The following IL1RAPL2 variants were observed in gnomAD, a reference collection of about 807,000 sequenced individuals.
The protein encoded by IL1RAPL2 is interleukin 1 receptor accessory protein like 2.
IL1RAPL2 carries 3 observed loss-of-function variants against 44.1 expected under a neutral mutation model. That is an observed-to-expected ratio of 0.07 (90% CI 0.03 to 0.18). IL1RAPL2 has a LOEUF of 0.18. Ranked by LOEUF, IL1RAPL2 falls within the 10% of genes least tolerant of loss-of-function variation. IL1RAPL2 has a pLI of 1.00. For missense variants in IL1RAPL2, 391 were observed against 496.4 expected, an observed-to-expected ratio of 0.79 and a Z score of 2.02; for synonymous variants, 181 against 178.8, an observed-to-expected ratio of 1.01 and a Z score of -0.10.
chrX:105,527,588 T>G (rs2036603703), intron 6 of IL1RAPL2, among the ~76,000 whole-genome samples: 1 of 110,852 alleles, frequency 9.0e-6, no homozygotes, highest in Non-Finnish European at 1.9e-5. Flanking sequence ...AATTGAGTCT[T>G]GCCCCATGCT....
intron 2 of IL1RAPL2, among the ~76,000 whole-genome samples, chrX:104,820,541 C>A (rs777204301): frequency 7.2e-5 from 8 of 111,789 alleles, no homozygotes; most frequent in Non-Finnish European, 1.1e-4. Flanking sequence ...TGAGCCTTGC[C>A]TCCATGCTAC....
intron 5 of IL1RAPL2, among the ~76,000 whole-genome samples, chrX:105,483,456 C>G (rs1490820251): frequency 9.0e-6 from 1 of 111,471 alleles, no homozygotes; most frequent in Non-Finnish European, 1.9e-5. Context: ...TTTTGAAAAT[C>G]TTTTTGAGAA....
intron 2 of IL1RAPL2, among the ~76,000 whole-genome samples, chrX:105,143,353 A>G (rs1407841606): frequency 8.9e-6 from 1 of 112,451 alleles, no homozygotes; most frequent in Admixed American, 9.4e-5. Context: ...AATGCTCATC[A>G]TCACTGGCCA....
chrX:105,296,562 C>T (rs2034655949), intron 5 of IL1RAPL2, among the ~76,000 whole-genome samples: 2 of 112,526 alleles, frequency 1.8e-5, no homozygotes, highest in South Asian at 7.3e-4. Context: ...GAATTCATGA[C>T]ACAGTTCTGT....
chrX:104,644,914 T>C (rs986170568), intron 1 of IL1RAPL2, among the ~76,000 whole-genome samples: 3 of 111,853 alleles, frequency 2.7e-5, no homozygotes, highest in African/African-American at 9.7e-5. Flanking sequence ...ACCACTGATC[T>C]GTTTCTGACA....
chrX:105,740,702 T>G lies in IL1RAPL2; in HGVS notation c.1048+11T>G. On this transcript the variant is annotated intron_variant, in intron 8 of 10. Transcript: ENST00000372582. ...TGCTGCGTAAAAAGGGTATTTATTT[T>G]TATAACTATAACTATGGTTTGCTTA... 8.3e-7 allele frequency: 1 copy of G among 1,197,721 alleles called. No homozygotes were observed.
chrX:105,410,799 A>T (rs914899282), intron 5 of IL1RAPL2, among the ~76,000 whole-genome samples: 1 of 111,927 alleles, frequency 8.9e-6, no homozygotes, highest in African/African-American at 3.2e-5. Context: ...AAGTGAAAGG[A>T]TGACATCTAC....
At chrX:105,753,663 G>A (rs1160733578) in intron 9 of IL1RAPL2, among the ~76,000 whole-genome samples, 3 of 111,404 alleles carry the variant, frequency 2.7e-5, no homozygotes, top group Admixed American at 9.6e-5. Context: ...AGTGGAATGC[G>A]CCCAACTTGT....
intron 6 of IL1RAPL2, among the ~76,000 whole-genome samples, chrX:105,668,754 C>T (rs953682008): frequency 1.8e-5 from 2 of 111,942 alleles, no homozygotes; most frequent in South Asian, 3.8e-4. Flanking sequence ...AGTGACCAGA[C>T]GGTAGTGTGA....
At chrX:105,523,787 C>T (rs1429319182) in intron 6 of IL1RAPL2, among the ~76,000 whole-genome samples, 1 of 107,332 alleles carries the variant, frequency 9.3e-6, no homozygotes, top group Non-Finnish European at 1.9e-5. Flanking sequence ...TCAATGAAGC[C>T]ATAAAAGAAA....
intron 2 of IL1RAPL2, among the ~76,000 whole-genome samples, chrX:105,162,983 A>T (rs1214637583): frequency 9.0e-6 from 1 of 111,614 alleles, no homozygotes; most frequent in Non-Finnish European, 1.9e-5. Flanking sequence ...AGACGCAAAC[A>T]TTCAAACCAT....
At chrX:105,435,592 CAT>C (rs1473749572) in intron 5 of IL1RAPL2, among the ~76,000 whole-genome samples, 1 of 111,761 alleles carries the variant, frequency 8.9e-6, no homozygotes, top group African/African-American at 3.3e-5. Flanking sequence ...TACATGCACA[CAT>C]ATGTTTACTG....
chrX:105,092,129 T>G (rs1294830909), intron 2 of IL1RAPL2, among the ~76,000 whole-genome samples: 1 of 111,068 alleles, frequency 9.0e-6, no homozygotes, highest in Admixed American at 9.7e-5. Context: ...AGGTTGGTAT[T>G]TTATCCCCAT....
intron 2 of IL1RAPL2, among the ~76,000 whole-genome samples, chrX:104,929,534 C>G (rs1924848973): frequency 9.0e-6 from 1 of 111,444 alleles, no homozygotes; most frequent in South Asian, 3.8e-4. Flanking sequence ...CTTGAGCAGC[C>G]CAGGCTTTCT....
At chrX:104,779,782 G>T (rs1166848932) in intron 2 of IL1RAPL2, among the ~76,000 whole-genome samples, 2 of 111,358 alleles carry the variant, frequency 1.8e-5, no homozygotes, top group Non-Finnish European at 3.8e-5. Context: ...CCAACCATTT[G>T]TTTGGCTTAA....
chrX:104,637,244 T>C (rs1289701568), intron 1 of IL1RAPL2, among the ~76,000 whole-genome samples: 1 of 111,304 alleles, frequency 9.0e-6, no homozygotes, highest in Non-Finnish European at 1.9e-5. Flanking sequence ...TTTAGTTTTT[T>C]CTAGATCATG....
chrX:104,683,860 A>C lies in IL1RAPL2; in HGVS notation c.82+24865A>C, dbSNP rs780423324. On this transcript the variant is annotated intron_variant, in intron 2 of 10. Coordinates refer to ENST00000372582, the MANE Select transcript of IL1RAPL2 (RefSeq NM_017416.2). The stretch of plus-strand genomic sequence containing the variant: ...TGGAGATTGAGGTGGGGGTATGTGA[A>C]TAGTTCTGGGCAGGACTATATGGAG... Among the ~76,000 whole-genome samples, 43 of 112,034 alleles carry C rather than the reference A, an allele frequency of 3.8e-4. No individual in the cohort carries two copies. In the South Asian group the frequency reaches 0.016, roughly 42 times the overall value.
chrX:105,060,906 T>G (rs1306975909), intron 2 of IL1RAPL2, among the ~76,000 whole-genome samples: 1 of 111,140 alleles, frequency 9.0e-6, no homozygotes, highest in Non-Finnish European at 1.9e-5. Context: ...TCTTTTTAAA[T>G]TCTGATTTTA....
chrX:104,842,499 G>T (rs2147636214), intron 2 of IL1RAPL2, among the ~76,000 whole-genome samples: 1 of 111,852 alleles, frequency 8.9e-6, no homozygotes, highest in African/African-American at 3.2e-5. Flanking sequence ...CAGCATTTTT[G>T]CACTGTTTTT....
Sources: gnomAD v4.1 joint callset for allele counts (sites outside exome capture counted in the v4.1 genomes callset) on GRCh38, gnomAD v4.1.1 for gene constraint, MANE v1.5 for transcripts, NCBI Gene and HGNC (gene_info 2026-07-23, HGNC 2026-07-21) for gene names.